METTL6: variants seen among roughly 807,000 people sequenced by gnomAD.
METTL6 encodes tRNA N(3)-cytidine methyltransferase METTL6.
In METTL6, 22 loss-of-function variants were observed where a neutral mutation model predicts 26.4. The ratio of observed to expected loss-of-function variants is 0.83; its 90% CI spans 0.59 to 1.19. METTL6 has a LOEUF of 1.19. Among genes scored for constraint, METTL6 ranks in the 50% most tolerant of loss-of-function variants. The pLI is 0.00. For synonymous variants in METTL6, 109 were observed against 116.2 expected (o/e 0.94, Z 0.40); for missense variants, 304 against 324.8 (o/e 0.94, Z 0.49).
chr3:15,398,517 C>G (rs866323106), intron 6 of METTL6, among the ~76,000 whole-genome samples: 2 of 152,098 alleles, frequency 1.3e-5, no homozygotes, highest in Non-Finnish European at 2.9e-5. Flanking sequence ...TGATTTTCTT[C>G]GTTCAGTGGG....
chr3:15,408,763 G>C (rs187555559), downstream of METTL6, among the ~76,000 whole-genome samples: 5 of 151,978 alleles, frequency 3.3e-5, no homozygotes, highest in Admixed American at 3.3e-4. Context: ...TTTTCATAGA[G>C]ATGGGGTCTT....
At chr3:15,399,297 G>GC (rs1699574415) in intron 6 of METTL6, 1 of 149,382 alleles carries the variant, frequency 6.7e-6, no homozygotes. Flanking sequence ...CCAACTAGCA[G>GC]CCCTCAGGGC....
chr3:15,423,612 C>A (rs1475038084), intron 3 of METTL6, among the ~76,000 whole-genome samples: 2 of 152,096 alleles, frequency 1.3e-5, no homozygotes, highest in Admixed American at 1.3e-4. Context: ...ATGGCTCACG[C>A]CTGTAATCTC....
Position 15,388,196 on chromosome 3 carries a change from C to T in METTL6, c.*12-4009G>A, listed in dbSNP as rs545107475. On this transcript the variant is annotated intron_variant, in intron 6 of 6. Transcript: ENST00000443029. ...CGCAATCTCCACTCACTGCAACCTC[C>T]GCCTCCTGGGTTCAAGTGATTCTCC... Among the ~76,000 whole-genome samples the T allele has an allele frequency of 5.3e-5, 8 of 152,200 alleles. No individual in the cohort carries two copies. The South Asian group carries it at 1.0e-3, about 20-fold the overall frequency.
intron 6 of METTL6, among the ~76,000 whole-genome samples, chr3:15,397,574 G>A (rs113331540): frequency 6.1e-4 from 93 of 152,248 alleles, no homozygotes; most frequent in African/African-American, 2.2e-3. Context: ...CTTCTGTGTC[G>A]CTCACGCTGG....
chr3:15,395,903 T>C (rs1328254970), intron 6 of METTL6, among the ~76,000 whole-genome samples: 1 of 152,188 alleles, frequency 6.6e-6, no homozygotes, highest in Non-Finnish European at 1.5e-5. Context: ...AGTAATCCGA[T>C]CTTTCTCTCT....
At chr3:15,393,421 A>T (rs1033320948) in intron 6 of METTL6, among the ~76,000 whole-genome samples, 1 of 152,212 alleles carries the variant, frequency 6.6e-6, no homozygotes, top group Non-Finnish European at 1.5e-5. Context: ...TTTTCTAGAT[A>T]TACAATCATG....
intron 3 of METTL6, among the ~76,000 whole-genome samples, chr3:15,417,999 A>T (rs759879244): frequency 6.6e-6 from 1 of 152,222 alleles, no homozygotes; most frequent in Non-Finnish European, 1.5e-5. Context: ...ACAAGTTGCT[A>T]GAGGGGTTTG....
chr3:15,395,897 A>G (rs1699474315), intron 6 of METTL6, among the ~76,000 whole-genome samples: 1 of 152,058 alleles, frequency 6.6e-6, no homozygotes, highest in African/African-American at 2.4e-5. Flanking sequence ...TTTGTGAGTA[A>G]TCCGATCTTT....
intron 3 of METTL6, among the ~76,000 whole-genome samples, chr3:15,421,451 A>T (rs2061609579): frequency 6.6e-6 from 1 of 152,102 alleles, no homozygotes; most frequent in South Asian, 2.1e-4. Flanking sequence ...TTAACTTTTT[A>T]AAAATAAAGG....
chr3:15,404,509 A>ATTTT (rs34073251), intron 6 of METTL6, among the ~76,000 whole-genome samples: 1 of 133,286 alleles, frequency 7.5e-6, no homozygotes, highest in African/African-American at 2.8e-5. Context: ...TGCCCAGCTA[A>ATTTT]TTTTTTTTTT....
intron 6 of METTL6, among the ~76,000 whole-genome samples, chr3:15,384,770 G>A (rs1699150201): frequency 6.6e-6 from 1 of 152,164 alleles, no homozygotes; most frequent in African/African-American, 2.4e-5. Context: ...ATAGGGTTGA[G>A]TTTTTGAAGG....
chr3:15,415,935 G>T lies in METTL6; in HGVS notation c.368C>A (p.Pro123His). 1 of 1,605,986 alleles carries T rather than the reference G, an allele frequency of 6.2e-7. No individual in the cohort carries two copies. The highest frequency in any genetic ancestry group is 1.7e-5 in the Admixed American group (1 of 58,370). Residue 123 changes from proline to histidine, a missense_variant, in exon 4 of 6, where the codon CCT (proline) becomes CAT (histidine). Physicochemically the swap from Pro to His is moderately conservative, Grantham distance 77 (BLOSUM62 -2). Coordinates refer to ENST00000383790, the MANE Select transcript of METTL6 (RefSeq NM_152396.4). ...PRAIEYVKQNPLYDTERCKVF... is the reference protein window; with the variant it reads ...PRAIEYVKQNHLYDTERCKVF... The stretch of plus-strand genomic sequence containing the variant: ...CTTGCATCTTTCTGTATCATATAAA[G>T]GATTTTGCTACAGGGGGAAGAAATA...
intron 6 of METTL6, among the ~76,000 whole-genome samples, chr3:15,391,607 C>T (rs1699349393): frequency 1.3e-5 from 2 of 151,768 alleles, no homozygotes; most frequent in Admixed American, 1.3e-4. Context: ...AATAACTCGT[C>T]ATTTAACATT....
At chr3:15,417,648 G>A (rs1368746595) in intron 3 of METTL6, among the ~76,000 whole-genome samples, 1 of 151,776 alleles carries the variant, frequency 6.6e-6, no homozygotes, top group Non-Finnish European at 1.5e-5. Flanking sequence ...ATATAAACAG[G>A]AATTTTGTAT....
intron 6 of METTL6, among the ~76,000 whole-genome samples, chr3:15,395,011 T>G (rs1699449193): frequency 6.6e-6 from 1 of 152,258 alleles, no homozygotes; most frequent in Admixed American, 6.5e-5. Context: ...AGATGTCTAT[T>G]AGGTCCACTT....
At chr3:15,423,152 T>C (rs1292944217) in intron 3 of METTL6, among the ~76,000 whole-genome samples, 1 of 152,048 alleles carries the variant, frequency 6.6e-6, no homozygotes, top group Non-Finnish European at 1.5e-5. Context: ...TCCCAGCACT[T>C]TGGGAGGCCA....
In METTL6 at chr3:15,426,336, T is replaced by C. The variant is rs372690037; in HGVS notation, c.176A>G (p.Asp59Gly). 1.7e-5 allele frequency: 27 copies of C among 1,614,132 alleles called. No individual in the cohort carries two copies. The highest frequency in any genetic ancestry group is 2.0e-5 in the Non-Finnish European group (24 of 1,180,054). Residue 59 changes from aspartate to glycine, a missense_variant, in exon 2 of 6, where the codon GAC becomes GGC. Asp to Gly is a moderately conservative substitution (Grantham distance 94). Coordinates refer to ENST00000383790, the MANE Select transcript of METTL6 (RefSeq NM_152396.4). ...YKRNSTNFFK[D>G]RHWTTREFEE... ...AAACTCTCTGGTGGTCCAGTGTCTG[T>C]CTTTGAAGAAATTAGTGCTATTTCT...
In METTL6 at chr3:15,409,894, G is replaced by A. The variant is rs1399526910; in HGVS notation, c.*1362C>T. Reference sequence around the variant, plus strand: ...AAGAAGAAAACAGAACACTCCTTTAGGCTAGAAATATATATGAGTGTCTTA... The same window carrying A: ...AAGAAGAAAACAGAACACTCCTTTAAGCTAGAAATATATATGAGTGTCTTA... On this transcript the variant is annotated 3_prime_UTR_variant, in exon 6 of 6. Transcript: ENST00000383790. Among the ~76,000 whole-genome samples, 3 of 152,168 alleles carry A rather than the reference G, an allele frequency of 2.0e-5. No homozygotes were observed. Among genetic ancestry groups the A allele is most frequent in the East Asian group, 3.8e-4 (2 of 5,206 alleles).
Sources: allele counts gnomAD v4.1 joint callset (sites outside exome capture counted in the v4.1 genomes callset), GRCh38; gene constraint gnomAD v4.1.1; transcripts MANE v1.5; gene names NCBI Gene and HGNC (gene_info 2026-07-23, HGNC 2026-07-21).